Variants in AKAP19 observed in about 807,000 individuals in gnomAD.
AKAP19 encodes the protein A-kinase anchoring protein 19.
chr2:190,068,019 T>C, the AKAP19 span, among the ~76,000 whole-genome samples: 3 of 152,078 alleles, frequency 2.0e-5, no homozygotes, highest in African/African-American at 7.2e-5. Flanking sequence ...TTGGCCAACA[T>C]GGTGAAACAC....
At chr2:189,990,378 T>C in the AKAP19 span, among the ~76,000 whole-genome samples, 1 of 152,194 alleles carries the variant, frequency 6.6e-6, no homozygotes, top group South Asian at 2.1e-4. Context: ...ATACATCTAC[T>C]GAGATGGTTG....
At chr2:189,919,221 G>A in the AKAP19 span, among the ~76,000 whole-genome samples, 1 of 152,150 alleles carries the variant, frequency 6.6e-6, no homozygotes, top group African/African-American at 2.4e-5. Flanking sequence ...AAGCAGACGA[G>A]TAGTTGCCAG....
chr2:189,907,916 T>C, the AKAP19 span, among the ~76,000 whole-genome samples: 1 of 152,158 alleles, frequency 6.6e-6, no homozygotes, highest in Non-Finnish European at 1.5e-5. Context: ...ATTTCTCATC[T>C]TTAATTTCTG....
At chr2:190,037,970 C>T in the AKAP19 span, among the ~76,000 whole-genome samples, 265 of 152,178 alleles carry the variant, frequency 1.7e-3, no homozygotes, top group African/African-American at 6.3e-3. Flanking sequence ...AGTGTCCCTC[C>T]ACCCCCATGT....
At chr2:190,097,008 A>G in the AKAP19 span, among the ~76,000 whole-genome samples, 1 of 152,208 alleles carries the variant, frequency 6.6e-6, no homozygotes, top group Non-Finnish European at 1.5e-5. Flanking sequence ...CATTTTGGCG[A>G]GAGACACAAA....
the AKAP19 span, among the ~76,000 whole-genome samples, chr2:190,197,068 G>C: frequency 6.6e-6 from 1 of 152,096 alleles, no homozygotes; most frequent in Non-Finnish European, 1.5e-5. The surrounding 1 kb of genome is among the most constrained non-coding windows in gnomAD (Gnocchi z 4.0). Context: ...AGGGGCAAGG[G>C]AACTCTCTGG....
chr2:189,923,488 C>T, the AKAP19 span: 2 of 1,613,898 alleles, frequency 1.2e-6, no homozygotes, highest in African/African-American at 1.3e-5. Flanking sequence ...TTCATAAGGG[C>T]TTTGCCTTCT....
At chr2:189,881,579 G>C in the AKAP19 span, among the ~76,000 whole-genome samples, 1 of 152,186 alleles carries the variant, frequency 6.6e-6, no homozygotes, top group South Asian at 2.1e-4. Context: ...AGTGGCTTAT[G>C]TATGTAAGTA....
At chr2:190,155,864 A>G in the AKAP19 span, among the ~76,000 whole-genome samples, 2 of 152,208 alleles carry the variant, frequency 1.3e-5, no homozygotes, top group African/African-American at 4.8e-5. Context: ...CCTGAAAAAT[A>G]ATAGAATGAT....
At chr2:189,942,257 GTC>G in the AKAP19 span, among the ~76,000 whole-genome samples, 1 of 150,574 alleles carries the variant, frequency 6.6e-6, no homozygotes, top group African/African-American at 2.5e-5. Flanking sequence ...AGAAGTGTGT[GTC>G]ACCTCCCCAC....
chr2:190,003,658 G>A, the AKAP19 span, among the ~76,000 whole-genome samples: 1 of 152,108 alleles, frequency 6.6e-6, no homozygotes, highest in African/African-American at 2.4e-5. Flanking sequence ...GAGACCAGGG[G>A]TTCAAGACCA....
chr2:189,912,213 A>G, the AKAP19 span, among the ~76,000 whole-genome samples: 27 of 152,072 alleles, frequency 1.8e-4, no homozygotes, highest in East Asian at 5.8e-4. Context: ...ATTCTAACTT[A>G]TGCTGTTATA....
At chr2:190,037,844 C>T in the AKAP19 span, among the ~76,000 whole-genome samples, 2 of 152,120 alleles carry the variant, frequency 1.3e-5, no homozygotes, top group Admixed American at 6.5e-5. Flanking sequence ...AAAACTACTC[C>T]CTCTAATGAT....
chr2:190,041,177 TTG>T, the AKAP19 span, among the ~76,000 whole-genome samples: 1 of 152,172 alleles, frequency 6.6e-6, no homozygotes, highest in Non-Finnish European at 1.5e-5. Context: ...TTAAATTTGT[TTG>T]TGTCTTCTCT....
the AKAP19 span, among the ~76,000 whole-genome samples, chr2:190,068,313 T>C: frequency 6.6e-6 from 1 of 152,124 alleles, no homozygotes; most frequent in African/African-American, 2.4e-5. Context: ...TGGCACATAG[T>C]TAGACGGGGA....
chr2:190,087,976 A>G, the AKAP19 span, among the ~76,000 whole-genome samples: 9 of 152,194 alleles, frequency 5.9e-5, no homozygotes, highest in Admixed American at 1.3e-4. Flanking sequence ...TTCCGGACAC[A>G]CACAAAAAAG....
At chr2:190,035,131 T>C in the AKAP19 span, among the ~76,000 whole-genome samples, 1 of 151,990 alleles carries the variant, frequency 6.6e-6, no homozygotes, top group African/African-American at 2.4e-5. Context: ...GGACAAACAG[T>C]TGTATATGTG....
chr2:190,140,077 G>A, the AKAP19 span, among the ~76,000 whole-genome samples: 6 of 152,268 alleles, frequency 3.9e-5, no homozygotes, highest in East Asian at 5.8e-4. Flanking sequence ...TCTGAAATCC[G>A]ATGGGTCAGT....
At chr2:189,965,331 T>C in the AKAP19 span, among the ~76,000 whole-genome samples, 1 of 151,968 alleles carries the variant, frequency 6.6e-6, no homozygotes, top group African/African-American at 2.4e-5. Context: ...ATAATAATAA[T>C]GAAAAAGATT....
Sources: allele counts gnomAD v4.1 joint callset (sites outside exome capture counted in the v4.1 genomes callset), GRCh38; gene constraint gnomAD v4.1.1; non-coding constraint Gnocchi (gnomAD v3.1); transcripts MANE v1.5; gene names NCBI Gene and HGNC (gene_info 2026-07-23, HGNC 2026-07-21).